The following PPFIA3 variants were observed in gnomAD, a reference collection of about 807,000 sequenced individuals.
PPFIA3 encodes liprin-alpha-3.
In PPFIA3, 26 loss-of-function variants were observed where a neutral mutation model predicts 145.8. The observed-to-expected ratio is 0.18, with a 90% confidence interval of 0.13 to 0.25. The LOEUF (loss-of-function observed/expected upper bound fraction) is 0.25, where lower values mean the gene tolerates loss of function less well. Ranked by LOEUF, PPFIA3 falls within the 10% of genes least tolerant of loss-of-function variation. PPFIA3 has a pLI of 1.00. For missense variants in PPFIA3, 1,008 were observed against 1,587.8 expected (o/e 0.63, Z 6.21); for synonymous variants, 645 against 661.4 (o/e 0.98, Z 0.38).
chr19:49,137,117 C>A (rs2041148300), intron 15 of PPFIA3: 2 of 443,516 alleles, frequency 4.5e-6, no homozygotes, highest in East Asian at 3.4e-5. Context: ...ATATACCCCC[C>A]AGCCAGTACT....
chr19:49,139,527 T>A, intron 16 of PPFIA3, 141 bp from the exon 17 acceptor site: 1 of 620,920 alleles, frequency 1.6e-6, no homozygotes, highest in Non-Finnish European at 2.4e-6. Flanking sequence ...CAACTCACCC[T>A]GACTTGAGCT....
chr19:49,139,800 T>C lies in PPFIA3; in HGVS notation c.2209T>C (p.Ser737Pro), dbSNP rs770814501. 8 of 1,610,914 alleles carry C rather than the reference T, an allele frequency of 5.0e-6. No homozygotes were observed. The highest frequency in any genetic ancestry group is 6.8e-6 in the Non-Finnish European group (8 of 1,178,302). Residue 737 changes from serine (S) to proline (P), a missense_variant, in exon 17 of 30, where the codon TCC (serine) becomes CCC (proline). Ser to Pro is a moderately conservative substitution (Grantham distance 74, BLOSUM62 -1). Around this residue, in one of 11 missense-constraint regions of PPFIA3, gnomAD observed 202 missense variants for 241.8 expected, o/e 0.84. Transcript: ENST00000334186. ...MTQALALQAG[S>P]LEDGGPPRGS... is the part of the protein sequence containing the mutation. ...CCAGGCCTTGGCACTGCAGGCGGGG[T>C]CCCTGGAAGATGGGGGACCCCCACG... is the stretch of plus-strand genomic sequence containing the variant.
chr19:49,149,939 T>C lies in PPFIA3; in HGVS notation c.3527-141T>C. 1 of 1,187,866 alleles carries C rather than the reference T, an allele frequency of 8.4e-7. No individual in the cohort carries two copies. Among genetic ancestry groups the C allele is most frequent in the Non-Finnish European group, 1.2e-6 (1 of 848,244 alleles). 73.6% of individuals were successfully genotyped at this position (1,187,866 alleles called of 1,614,324 possible). A position where few individuals can be genotyped will look rare whatever the true frequency, so the allele number is the denominator to read the frequency against. On this transcript the variant is annotated intron_variant, in intron 28 of 29. Transcript: ENST00000334186. This position sits in a 1 kb window ranked among gnomAD's most constrained non-coding sequence, Gnocchi z 5.7. ...CTCGCCCAATGCGAGTTTGAGTCCTTGGCTGCGGGGAAGGGAGGGAAACCC... is the reference window on the plus strand; with the variant it reads ...CTCGCCCAATGCGAGTTTGAGTCCTCGGCTGCGGGGAAGGGAGGGAAACCC...
intron 23 of PPFIA3, 113 bp downstream of exon 23, chr19:49,146,305 G>T (rs1254224440): frequency 2.2e-6 from 3 of 1,341,942 alleles, no homozygotes; most frequent in Non-Finnish European, 3.1e-6. Flanking sequence ...CATCCCCATG[G>T]GGGGGCGCTG....
Position 49,133,125 on chromosome 19 carries a change from G to A in PPFIA3, c.1004G>A (p.Ser335Asn). The A allele has an allele frequency of 6.2e-7, 1 of 1,608,140 alleles. No homozygotes were observed. Among genetic ancestry groups the A allele is most frequent in the South Asian group, 1.1e-5 (1 of 90,716 alleles). Residue 335 changes from serine (S) to asparagine (N), a missense_variant, in exon 8 of 30, where the codon AGC (serine) becomes AAC (asparagine). Coordinates refer to ENST00000334186, the MANE Select transcript of PPFIA3 (RefSeq NM_003660.4). This position sits in a 1 kb window ranked among gnomAD's most constrained non-coding sequence, Gnocchi z 7.2. ...ANDKLENELA[S>N]KESLYRQSEE... ...GACAAACTGGAGAACGAGTTAGCTA[G>A]CAAGGAGTCGTTGTATCGGCAGGTG...
chr19:49,140,515 A>AT (rs1015013052), intron 18 of PPFIA3, among the ~76,000 whole-genome samples: 4 of 149,488 alleles, frequency 2.7e-5, no homozygotes, highest in Non-Finnish European at 5.9e-5. Flanking sequence ...TGCCTGGCTA[A>AT]TTTTTTTGTA....
chr19:49,146,504 T>A lies in PPFIA3; in HGVS notation c.2835+312T>A, dbSNP rs1284430826. 4 of 437,362 alleles carry A rather than the reference T, an allele frequency of 9.1e-6. No individual in the cohort carries two copies. In the South Asian group the frequency reaches 1.1e-4, roughly 12 times the overall value. 27.1% of individuals were successfully genotyped at this position (437,362 alleles called of 1,614,324 possible). A position where few individuals can be genotyped will look rare whatever the true frequency, so the allele number is the denominator to read the frequency against. ...AGAGACTGAGCAGCCGGTGTCCCTA[T>A]AGTGGAGGGGGCGGGGGCTACAGTG... On this transcript the variant is annotated intron_variant, in intron 23 of 29. Transcript: ENST00000334186.
chr19:49,140,641 T>C (rs1166382865), intron 18 of PPFIA3, among the ~76,000 whole-genome samples: 7 of 32,918 alleles, frequency 2.1e-4, no homozygotes, highest in African/African-American at 1.6e-3. Flanking sequence ...TCATTTACCT[T>C]TTTTTTTTTT....
chr19:49,139,209 C>T (rs2041179306), intron 16 of PPFIA3, among the ~76,000 whole-genome samples: 1 of 151,892 alleles, frequency 6.6e-6, no homozygotes, highest in Admixed American at 6.6e-5. Context: ...CCTGTAGTCC[C>T]AGCTTCTTGG....
intron 1 of PPFIA3, among the ~76,000 whole-genome samples, chr19:49,126,560 C>CTTTTTTTTTTTTTTTTTTTTTTTTTTTTT (rs762895281): frequency 1.7e-5 from 2 of 118,820 alleles, no homozygotes; most frequent in African/African-American, 3.3e-5. Flanking sequence ...CCTGGCCTTG[C>CTTTTTTTTTTTTTTTTTTTTTTTTTTTTT]TTTTTTTTTT....
At chr19:49,145,620 G>T in intron 21 of PPFIA3, 1 of 383,522 alleles carries the variant, frequency 2.6e-6, no homozygotes, top group Non-Finnish European at 4.9e-6. Flanking sequence ...TTTGCACCAT[G>T]GCTGTGTCTG....
In PPFIA3 at chr19:49,133,233, C is replaced by G; in HGVS notation, c.1027-4C>G. 1 of 1,602,106 alleles carries G rather than the reference C, an allele frequency of 6.2e-7. No individual in the cohort carries two copies. Among genetic ancestry groups the G allele is most frequent in the Non-Finnish European group, 8.5e-7 (1 of 1,173,380 alleles). ...TCCCCTCCCCCTGCCTCTCCCTCCC[C>G]CAGAGTGAAGAGAAGAGCCGTCAGC... On this transcript the variant is annotated splice_region_variant and splice_polypyrimidine_tract_variant and intron_variant, in intron 8 of 29. Coordinates refer to ENST00000334186, the MANE Select transcript of PPFIA3 (RefSeq NM_003660.4). The surrounding 1 kb of genome is among the most constrained non-coding windows in gnomAD (Gnocchi z 7.2).
intron 14 of PPFIA3, among the ~76,000 whole-genome samples, chr19:49,136,363 G>A (rs996892919): frequency 2.6e-5 from 4 of 152,186 alleles, no homozygotes; most frequent in Non-Finnish European, 4.4e-5. Context: ...TGCTGGCGCC[G>A]AGGCAGGCAG....
chr19:49,150,211 C>A (rs2041331079), intron 29 of PPFIA3, 25 bp from the exon 30 acceptor site: 1 of 1,407,076 alleles, frequency 7.1e-7, no homozygotes, highest in South Asian at 1.2e-5. Flanking sequence ...CTTCACTGCT[C>A]CACGCGCTGC....
intron 7 of PPFIA3, among the ~76,000 whole-genome samples, chr19:49,132,067 A>C (rs2041080227): frequency 1.3e-5 from 2 of 149,680 alleles, no homozygotes. Flanking sequence ...TGGGAGGTGG[A>C]AGTTGCAGTA....
rs912883476 is a variant in PPFIA3 at position 49,135,144 on chromosome 19, C to T, written c.1520+229C>T. Among the ~76,000 whole-genome samples the T allele has an allele frequency of 4.6e-5, 7 of 151,926 alleles. No homozygotes were observed. The East Asian group carries it at 5.8e-4, about 13-fold the overall frequency. On this transcript the variant is annotated intron_variant, in intron 13 of 29. Coordinates refer to ENST00000334186, the MANE Select transcript of PPFIA3 (RefSeq NM_003660.4). ...GCAACCTCCACCTCCTGAGTTCAAG[C>T]GATTCTCGTGCCTCAGCCTCCCAAG...
rs981690918 is a variant in PPFIA3, at chr19:49,128,707, C to T, written c.343-141C>T. 31 of 926,234 alleles carry T rather than the reference C, an allele frequency of 3.3e-5. No homozygotes were observed. The highest frequency in any genetic ancestry group is 5.0e-5 in the African/African-American group (3 of 59,738). The allele number at this position is 926,234 out of a possible 1,614,324, so 57.4% of individuals were successfully genotyped here. On this transcript the variant is annotated intron_variant, in intron 3 of 29. Transcript: ENST00000334186. The surrounding 1 kb of genome is among the most constrained non-coding windows in gnomAD (Gnocchi z 4.1). Reference sequence around the variant, plus strand: ...ACCGGTTCCTTGACCCCGACCTCCTCTCTTTTCCTGACCTGTCTCGGTGCT... The same window carrying T: ...ACCGGTTCCTTGACCCCGACCTCCTTTCTTTTCCTGACCTGTCTCGGTGCT...
rs1326764357 is a variant in PPFIA3 at position 49,137,050 on chromosome 19, C to T, written c.1853+139C>T. 3 of 799,962 alleles carry T rather than the reference C, an allele frequency of 3.8e-6. No individual in the cohort carries two copies. The East Asian group carries it at 8.6e-5, about 23-fold the overall frequency. The allele number at this position is 799,962 out of a possible 1,614,324, so 49.6% of individuals were successfully genotyped here. ...GAATTCTTCCAGCCCAACACTCACT[C>T]CGCTGTCCAGGCATCCCCTAGGATA... On this transcript the variant is annotated intron_variant, in intron 15 of 29. Transcript: ENST00000334186.
intron 5 of PPFIA3, among the ~76,000 whole-genome samples, 192 bp downstream of exon 5, chr19:49,129,646 G>A (rs1431053183): frequency 6.6e-6 from 1 of 152,220 alleles, no homozygotes; most frequent in Non-Finnish European, 1.5e-5. Flanking sequence ...GCAGGGCTAC[G>A]GGGAGAATCT....
Sources: gnomAD v4.1 joint callset for allele counts (sites outside exome capture counted in the v4.1 genomes callset) on GRCh38, gnomAD v4.1.1 for gene constraint, gnomAD v4.1.1 regional missense constraint, Gnocchi (gnomAD v3.1) non-coding constraint, MANE v1.5 for transcripts, NCBI Gene and HGNC (gene_info 2026-07-23, HGNC 2026-07-21) for gene names.